The following ARID4B variants were observed in gnomAD, a reference collection of about 807,000 sequenced individuals.
The protein encoded by ARID4B is AT-rich interactive domain-containing protein 4B.
A neutral mutation model predicts 147.5 loss-of-function variants in ARID4B; 26 were observed. The ratio of observed to expected loss-of-function variants is 0.18; its 90% confidence interval spans 0.13 to 0.24. ARID4B has a LOEUF of 0.24. Ranked by LOEUF, ARID4B falls within the 10% of genes least tolerant of loss-of-function variation. The pLI, the probability that ARID4B is intolerant of heterozygous loss-of-function variation, is 1.00. For synonymous variants in ARID4B, 512 were observed against 507.9 expected, an observed-to-expected ratio of 1.01 and a Z score of -0.11; for missense variants, 1,179 against 1,511.5, an observed-to-expected ratio of 0.78 and a Z score of 3.65.
At chr1:235,183,005 T>C (rs75469754) in intron 19 of ARID4B, among the ~76,000 whole-genome samples, 160 of 152,262 alleles carry the variant, frequency 1.1e-3, no homozygotes, top group African/African-American at 3.1e-3. Context: ...ACGGTGATGG[T>C]TGTAACACTG....
At chr1:235,305,688 G>A (rs1289618086) in intron 2 of ARID4B, among the ~76,000 whole-genome samples, 4 of 152,138 alleles carry the variant, frequency 2.6e-5, no homozygotes, top group African/African-American at 9.7e-5. Flanking sequence ...GCCAGGCACG[G>A]GGACTCACGC....
intron 2 of ARID4B, among the ~76,000 whole-genome samples, chr1:235,274,135 G>A (rs1329432807): frequency 1.3e-5 from 2 of 152,096 alleles, no homozygotes; most frequent in Admixed American, 6.5e-5. Flanking sequence ...CACTTTGGGA[G>A]GCCAAGGCAG....
intron 17 of ARID4B, among the ~76,000 whole-genome samples, chr1:235,202,501 G>T (rs1666012345): frequency 6.7e-6 from 1 of 148,694 alleles, no homozygotes. Flanking sequence ...TTTAACTTCT[G>T]AAGATCTAGT....
At chr1:235,257,799 T>G (rs1670076005) in intron 3 of ARID4B, among the ~76,000 whole-genome samples, 1 of 152,126 alleles carries the variant, frequency 6.6e-6, no homozygotes, top group South Asian at 2.1e-4. Context: ...CATCCTTTAT[T>G]TCAATACTAT....
intron 3 of ARID4B, among the ~76,000 whole-genome samples, chr1:235,258,179 A>G (rs1558253613): frequency 1.3e-5 from 2 of 152,102 alleles, no homozygotes; most frequent in Non-Finnish European, 2.9e-5. Context: ...AAAAATACAA[A>G]AATTACCCAG....
intron 2 of ARID4B, among the ~76,000 whole-genome samples, chr1:235,323,424 C>T (rs915692191): frequency 6.6e-6 from 1 of 151,942 alleles, no homozygotes; most frequent in South Asian, 2.1e-4. Flanking sequence ...AAATTTACTG[C>T]TACGTAATAA....
chr1:235,174,066 G>T (rs745332632), intron 22 of ARID4B, among the ~76,000 whole-genome samples: 4 of 150,480 alleles, frequency 2.7e-5, no homozygotes, highest in Non-Finnish European at 3.0e-5. Context: ...CTGGGATGGG[G>T]TCTCACTCTG....
At chr1:235,302,128 C>T (rs1297448905) in intron 2 of ARID4B, among the ~76,000 whole-genome samples, 1 of 117,450 alleles carries the variant, frequency 8.5e-6, no homozygotes, top group Non-Finnish European at 1.6e-5. Flanking sequence ...GCCACTGTGC[C>T]TGGCTGACTC....
intron 2 of ARID4B, among the ~76,000 whole-genome samples, chr1:235,276,893 G>A (rs148195816): frequency 0.029 from 4,430 of 151,522 alleles, 243 homozygotes; most frequent in African/African-American, 0.1. Context: ...CCAGCTACTC[G>A]GGAGGCTGAG....
intron 6 of ARID4B, among the ~76,000 whole-genome samples, chr1:235,248,040 A>C (rs1027569583): frequency 6.6e-6 from 1 of 152,186 alleles, no homozygotes; most frequent in African/African-American, 2.4e-5. Flanking sequence ...TAAACTCAGT[A>C]TATACCAAAC....
At chr1:235,195,275 C>T (rs900356307) in intron 18 of ARID4B, among the ~76,000 whole-genome samples, 13 of 151,948 alleles carry the variant, frequency 8.6e-5, no homozygotes, top group South Asian at 8.3e-4. Context: ...CTAAGTAAAT[C>T]CTCATGGCAT....
At chr1:235,248,768 T>C (rs1228994348) in intron 6 of ARID4B, among the ~76,000 whole-genome samples, 1 of 152,166 alleles carries the variant, frequency 6.6e-6, no homozygotes, top group Admixed American at 6.5e-5. Context: ...TCTCTGTCCC[T>C]ATCTCAATGT....
intron 5 of ARID4B, among the ~76,000 whole-genome samples, chr1:235,253,172 C>CT (rs1669747785): frequency 1.3e-5 from 2 of 152,114 alleles, no homozygotes; most frequent in African/African-American, 4.8e-5. Context: ...GACAGATTTA[C>CT]CTAAGAAAGA....
chr1:235,175,069 C>T (rs142730986), intron 22 of ARID4B, 115 bp downstream of exon 22: 111 of 901,238 alleles, frequency 1.2e-4, no homozygotes, highest in Non-Finnish European at 1.7e-4. Flanking sequence ...ATCGCACCAC[C>T]GCACTCCAGC....
intron 17 of ARID4B, among the ~76,000 whole-genome samples, chr1:235,196,714 G>C (rs940916940): frequency 6.6e-6 from 1 of 151,952 alleles, no homozygotes; most frequent in South Asian, 2.1e-4. Flanking sequence ...TTAGCCAGAC[G>C]TGGTGGTGGG....
intron 2 of ARID4B, among the ~76,000 whole-genome samples, chr1:235,311,557 T>C (rs1281497052): frequency 6.6e-6 from 1 of 151,610 alleles, no homozygotes; most frequent in East Asian, 2.0e-4. Context: ...GCAGATCACT[T>C]GAGGTCAGGA....
At chr1:235,200,883 C>T (rs1417652256) in intron 17 of ARID4B, among the ~76,000 whole-genome samples, 1 of 152,140 alleles carries the variant, frequency 6.6e-6, no homozygotes, top group East Asian at 1.9e-4. Flanking sequence ...GTGGCTTATG[C>T]CTGTAATCCT....
intron 2 of ARID4B, among the ~76,000 whole-genome samples, chr1:235,289,512 C>G (rs1332722241): frequency 5.3e-5 from 8 of 151,744 alleles, no homozygotes; most frequent in Non-Finnish European, 2.9e-5. Context: ...GTGCTTGAGC[C>G]CAGGAGTTCG....
intron 2 of ARID4B, among the ~76,000 whole-genome samples, chr1:235,323,773 A>G (rs934633423): frequency 6.6e-6 from 1 of 152,026 alleles, no homozygotes; most frequent in African/African-American, 2.4e-5. Flanking sequence ...AACAAGAGCA[A>G]AAGTCCGTCT....
Sources: allele counts gnomAD v4.1 joint callset (sites outside exome capture counted in the v4.1 genomes callset), GRCh38; gene constraint gnomAD v4.1.1; transcripts MANE v1.5; gene names NCBI Gene and HGNC (gene_info 2026-07-23, HGNC 2026-07-21).